Variants in FAM168A observed in about 807,000 individuals in gnomAD.
FAM168A encodes the protein protein FAM168A.
Under a neutral mutation model 28.5 loss-of-function variants are expected in FAM168A, and 3 were observed. That is an observed-to-expected ratio of 0.11 (90% CI 0.05 to 0.27). FAM168A has a LOEUF of 0.27. FAM168A is among the 10% of genes least tolerant of loss of function. The probability of loss-of-function intolerance (pLI) is 1.00; values close to 1 mark genes in which losing one functional copy is unlikely to be tolerated. For missense variants in FAM168A, 222 were observed against 311.5 expected (o/e 0.71, Z 2.16); for synonymous variants, 122 against 124.2 (o/e 0.98, Z 0.12).
intron 2 of FAM168A, among the ~76,000 whole-genome samples, chr11:73,462,811 C>T (rs1474328449): frequency 1.3e-5 from 2 of 149,382 alleles, no homozygotes; most frequent in Non-Finnish European, 3.0e-5. Flanking sequence ...TTGCAGTGAG[C>T]CAAGATCGCA....
At chr11:73,431,699 A>T (rs1866997338) in intron 2 of FAM168A, among the ~76,000 whole-genome samples, 1 of 152,218 alleles carries the variant, frequency 6.6e-6, no homozygotes, top group Non-Finnish European at 1.5e-5. Flanking sequence ...AAGAGTTTAC[A>T]CAAACCAGCT....
At chr11:73,596,242 T>C (rs1944438094) in intron 1 of FAM168A, among the ~76,000 whole-genome samples, 1 of 152,164 alleles carries the variant, frequency 6.6e-6, no homozygotes, top group Non-Finnish European at 1.5e-5. Flanking sequence ...GCTCATCAAA[T>C]CTATTTAAAT....
At chr11:73,501,827 C>T (rs1041712401) in intron 1 of FAM168A, among the ~76,000 whole-genome samples, 40 of 152,002 alleles carry the variant, frequency 2.6e-4, no homozygotes, top group Admixed American at 3.3e-4. Context: ...GAAGGCCGGG[C>T]GCGGTGGCTC....
At chr11:73,536,290 A>G (rs1169720878) in intron 1 of FAM168A, among the ~76,000 whole-genome samples, 2 of 152,202 alleles carry the variant, frequency 1.3e-5, no homozygotes, top group East Asian at 3.8e-4. Flanking sequence ...TGGGACCACA[A>G]ATAAAAAGTT....
chr11:73,566,856 T>C (rs895351348), intron 1 of FAM168A, among the ~76,000 whole-genome samples: 2 of 152,202 alleles, frequency 1.3e-5, no homozygotes, highest in East Asian at 3.8e-4. Context: ...CAGTCAATTC[T>C]ACCTGGAAAA....
At chr11:73,527,410 T>TA (rs1300028934) in intron 1 of FAM168A, among the ~76,000 whole-genome samples, 4 of 152,188 alleles carry the variant, frequency 2.6e-5, no homozygotes, top group African/African-American at 9.6e-5. Context: ...TTAGGTCTTC[T>TA]AAAAACAATG....
chr11:73,554,102 G>A lies in FAM168A; in HGVS notation c.-19+43821C>T, dbSNP rs143881847. On this transcript the variant is annotated intron_variant, in intron 1 of 7. Coordinates refer to ENST00000356467, the MANE Select transcript of FAM168A (RefSeq NM_015159.3). ...AAAAAAATAAAGACTGAGGCCAGGC[G>A]CAGTGGCTCACACCTGTAATCCCAG... 9.9e-3 allele frequency among the ~76,000 whole-genome samples: 1,501 copies of A among 152,088 alleles called. 29 individuals carry two copies. The highest frequency in any genetic ancestry group is 0.034 in the African/African-American group (1,393 of 41,482).
At chr11:73,510,022 T>C (rs1032183677) in intron 1 of FAM168A, among the ~76,000 whole-genome samples, 1 of 152,158 alleles carries the variant, frequency 6.6e-6, no homozygotes, top group Non-Finnish European at 1.5e-5. Flanking sequence ...TCTAATTGCT[T>C]CTCTCCAAGT....
At chr11:73,473,808 T>C (rs1383671709) in intron 1 of FAM168A, among the ~76,000 whole-genome samples, 1 of 151,704 alleles carries the variant, frequency 6.6e-6, no homozygotes, top group Non-Finnish European at 1.5e-5. Context: ...TGTTCTCTCA[T>C]CCTTTCTTAC....
At chr11:73,443,347 G>T (rs988416585) in intron 2 of FAM168A, among the ~76,000 whole-genome samples, 1 of 152,226 alleles carries the variant, frequency 6.6e-6, no homozygotes, top group Non-Finnish European at 1.5e-5. Context: ...GCAAAAGGAA[G>T]ACATAATTCT....
intron 1 of FAM168A, among the ~76,000 whole-genome samples, chr11:73,584,615 A>C (rs1424039879): frequency 2.6e-5 from 4 of 151,860 alleles, no homozygotes; most frequent in Non-Finnish European, 5.9e-5. Context: ...CCGGGACTAC[A>C]GGCGCCCGCC....
intron 1 of FAM168A, among the ~76,000 whole-genome samples, chr11:73,566,022 T>C (rs533431686): frequency 6.6e-6 from 1 of 152,332 alleles, no homozygotes; most frequent in South Asian, 2.1e-4. Flanking sequence ...TGCATGCAAT[T>C]AGTTGAAAAG....
chr11:73,550,674 G>C (rs1943816773), intron 1 of FAM168A, among the ~76,000 whole-genome samples: 1 of 151,600 alleles, frequency 6.6e-6, no homozygotes, highest in Admixed American at 6.6e-5. Flanking sequence ...CAAACAATAA[G>C]TAAATAAATA....
intron 3 of FAM168A, among the ~76,000 whole-genome samples, chr11:73,421,530 T>C (rs1866792828): frequency 6.6e-6 from 1 of 152,166 alleles, no homozygotes; most frequent in Admixed American, 6.6e-5. Context: ...GCCCAGGGCC[T>C]TTCCTGGACA....
At chr11:73,486,181 C>T (rs1306364760) in intron 1 of FAM168A, among the ~76,000 whole-genome samples, 1 of 152,124 alleles carries the variant, frequency 6.6e-6, no homozygotes, top group Admixed American at 6.5e-5. Context: ...GAGGGTTTTG[C>T]TTGTTTTGTT....
chr11:73,426,058 A>G (rs1452535938), intron 3 of FAM168A, among the ~76,000 whole-genome samples: 1 of 152,252 alleles, frequency 6.6e-6, no homozygotes, highest in Non-Finnish European at 1.5e-5. Flanking sequence ...AATGGGAATA[A>G]TGTATTTGTA....
At chr11:73,430,246 ATG>A (rs35693530) in intron 3 of FAM168A, 20,636 of 147,050 alleles carry the variant, frequency 0.14, 1,699 homozygotes, top group African/African-American at 0.24. Flanking sequence ...TGGCAAGAGC[ATG>A]TGTGTGTGTG....
At chr11:73,437,270 G>A (rs558032420) in intron 2 of FAM168A, among the ~76,000 whole-genome samples, 73 of 151,800 alleles carry the variant, frequency 4.8e-4, no homozygotes, top group South Asian at 1.2e-3. Context: ...GCTAATTTTT[G>A]TATTCTTAGT....
At position 73,565,072 on chromosome 11, in the gene FAM168A, T is replaced by G. The variant is rs576667010; in HGVS notation, c.-19+32851A>C. 2.0e-5 allele frequency among the ~76,000 whole-genome samples: 3 copies of G among 152,298 alleles called. No individual in the cohort carries two copies. The East Asian group carries it at 5.8e-4, about 29-fold the overall frequency. ...GCACTGAGGCCTCAAGGGAAGTGACTGCCACAGAAGCTCATTTAAACCAGC... is the reference window on the plus strand; with the variant it reads ...GCACTGAGGCCTCAAGGGAAGTGACGGCCACAGAAGCTCATTTAAACCAGC... On this transcript the variant is annotated intron_variant, in intron 1 of 7. Transcript: ENST00000356467.
Sources: gnomAD v4.1 joint callset for allele counts (sites outside exome capture counted in the v4.1 genomes callset) on GRCh38, gnomAD v4.1.1 for gene constraint, MANE v1.5 for transcripts, NCBI Gene and HGNC (gene_info 2026-07-23, HGNC 2026-07-21) for gene names.